HSF5: variants seen among roughly 807,000 people sequenced by gnomAD.
HSF5 encodes the protein heat shock factor protein 5.
In HSF5, 5 loss-of-function variants were observed where a neutral mutation model predicts 50.8. That is an observed-to-expected ratio of 0.10 (90% CI 0.05 to 0.21). HSF5 has a LOEUF of 0.21. Among genes scored for constraint, HSF5 ranks in the 10% least tolerant of loss-of-function variants. The pLI, the probability that HSF5 is intolerant of heterozygous loss-of-function variation, is 1.00. For missense variants in HSF5, 564 were observed against 762.6 expected (o/e 0.74, Z 3.07); for synonymous variants, 307 against 307.4 (o/e 1.00, Z 0.02).
intron 5 of HSF5, among the ~76,000 whole-genome samples, chr17:58,446,827 T>A (rs1974568067): frequency 6.6e-6 from 1 of 152,134 alleles, no homozygotes; most frequent in Non-Finnish European, 1.5e-5. Context: ...AAGAGACTAC[T>A]GTGTAAAAGA....
intron 1 of HSF5, among the ~76,000 whole-genome samples, chr17:58,480,854 C>A (rs904685693): frequency 3.9e-5 from 6 of 152,078 alleles, no homozygotes; most frequent in Non-Finnish European, 5.9e-5. Context: ...GTGATGTGAT[C>A]TTGGCTCACT....
intron 5 of HSF5, among the ~76,000 whole-genome samples, chr17:58,426,876 T>C (rs1338806226): frequency 1.3e-5 from 2 of 152,152 alleles, no homozygotes; most frequent in African/African-American, 4.8e-5. Context: ...GTGGCTGTAA[T>C]GGATAACCTC....
intron 5 of HSF5, among the ~76,000 whole-genome samples, chr17:58,439,114 G>A (rs1012840343): frequency 6.6e-5 from 10 of 151,422 alleles, no homozygotes; most frequent in African/African-American, 2.4e-4. Context: ...GCAACAGAGT[G>A]AGACCCTGCC....
chr17:58,462,881 G>A lies in HSF5; in HGVS notation c.1443C>T (p.Ile481=). The change falls in exon 4 of 6, where the codon ATC becomes ATT. Residue 481 remains isoleucine, a synonymous_variant. Coordinates refer to ENST00000323777, the MANE Select transcript of HSF5 (RefSeq NM_001080439.3). ...CCTTCAGTTTGACATGAGCTTGCTG[G>A]ATGGCTGCAGATTCCTGTATTGTGC... ...ENSTIQESAA[I]QQAHVKLKEH... 10 of 1,614,124 alleles carry A rather than the reference G, an allele frequency of 6.2e-6. No homozygotes were observed. Among genetic ancestry groups the A allele is most frequent in the Non-Finnish European group, 8.5e-6 (10 of 1,179,988 alleles).
At chr17:58,433,235 G>A (rs1040757727) in intron 5 of HSF5, among the ~76,000 whole-genome samples, 1 of 152,162 alleles carries the variant, frequency 6.6e-6, no homozygotes, top group Admixed American at 6.5e-5. Flanking sequence ...AAGCCCAAGT[G>A]ACCTGCCCAC....
chr17:58,449,107 T>C (rs1974600501), intron 5 of HSF5, among the ~76,000 whole-genome samples: 1 of 152,172 alleles, frequency 6.6e-6, no homozygotes, highest in Non-Finnish European at 1.5e-5. Context: ...TTTGTAGGCC[T>C]TGTGGTAATC....
In HSF5 at chr17:58,420,703, T is replaced by A. The variant is rs1254438034; in HGVS notation, c.*1657A>T. The stretch of plus-strand genomic sequence containing the variant: ...TGGCCAAAAGATATAGGTGTCTTGA[T>A]AATTTGCTCTTTTAAACCTTGCTAA... On this transcript the variant is annotated 3_prime_UTR_variant, in exon 6 of 6. Transcript: ENST00000323777. The A allele has an allele frequency of 6.6e-6, 1 of 152,226 alleles. No individual in the cohort carries two copies. The highest frequency in any genetic ancestry group is 1.9e-4 in the East Asian group (1 of 5,198). The allele number at this position is 152,226 out of a possible 1,614,324, so 9.4% of individuals were successfully genotyped here.
At chr17:58,485,859 G>A (rs12936949) in intron 1 of HSF5, among the ~76,000 whole-genome samples, 123,428 of 150,054 alleles carry the variant, frequency 0.82, 50,752 homozygotes, top group East Asian at 0.99. Flanking sequence ...CTGAGGTCAG[G>A]AGTTCAAAAC....
chr17:58,429,192 A>C (rs1259231746), intron 5 of HSF5, among the ~76,000 whole-genome samples: 1 of 152,240 alleles, frequency 6.6e-6, no homozygotes, highest in Non-Finnish European at 1.5e-5. Flanking sequence ...CATTCAGAAT[A>C]AGTAAATCCA....
chr17:58,431,562 T>C (rs1974365456), intron 5 of HSF5, among the ~76,000 whole-genome samples: 1 of 152,218 alleles, frequency 6.6e-6, no homozygotes, highest in East Asian at 1.9e-4. Context: ...TGACCATATA[T>C]ATCCTATTGG....
In HSF5 at chr17:58,468,469, T is replaced by G. The variant is rs116414133; in HGVS notation, c.926-1490A>C. On this transcript the variant is annotated intron_variant, in intron 2 of 5. Transcript: ENST00000323777. Reference sequence around the variant, plus strand: ...TAAACCCTGTTCCTGAAATGTAACATTTGTAGTTTTACTAGAATTCTACTT... The same window carrying G: ...TAAACCCTGTTCCTGAAATGTAACAGTTGTAGTTTTACTAGAATTCTACTT... 5.3e-3 allele frequency among the ~76,000 whole-genome samples: 809 copies of G among 152,262 alleles called. 5 individuals are homozygous for G. Among genetic ancestry groups the G allele is most frequent in the African/African-American group, 0.018 (750 of 41,550 alleles).
intron 2 of HSF5, among the ~76,000 whole-genome samples, chr17:58,478,794 CG>C (rs1252028847): frequency 7.2e-6 from 1 of 139,140 alleles, no homozygotes; most frequent in Non-Finnish European, 1.5e-5. Flanking sequence ...ACCCAGGAGG[CG>C]GAGGTTGCAG....
chr17:58,427,130 G>C (rs1974306551), intron 5 of HSF5, among the ~76,000 whole-genome samples: 1 of 152,048 alleles, frequency 6.6e-6, no homozygotes, highest in South Asian at 2.1e-4. Context: ...AGCTGAGTGT[G>C]GTGGCATGTG....
intron 4 of HSF5, 47 bp from the exon 5 acceptor site, chr17:58,458,992 T>C (rs1017401175): frequency 6.6e-7 from 1 of 1,505,286 alleles, no homozygotes; most frequent in Admixed American, 1.9e-5. Flanking sequence ...TCCAAATATC[T>C]GCTAAAAGTT....
intron 5 of HSF5, among the ~76,000 whole-genome samples, chr17:58,447,520 G>A (rs1178588431): frequency 6.6e-6 from 1 of 152,202 alleles, no homozygotes; most frequent in African/African-American, 2.4e-5. Context: ...TCCAGGAAGT[G>A]CAGCATGGAC....
At chr17:58,487,131 C>T (rs1182235660) in intron 1 of HSF5, among the ~76,000 whole-genome samples, 2 of 152,108 alleles carry the variant, frequency 1.3e-5, no homozygotes, top group African/African-American at 4.8e-5. Context: ...CGGTCTCAAA[C>T]TCCTAACCTC....
At chr17:58,439,066 G>A (rs1473865564) in intron 5 of HSF5, among the ~76,000 whole-genome samples, 1 of 151,822 alleles carries the variant, frequency 6.6e-6, no homozygotes, top group African/African-American at 2.4e-5. Context: ...TTAGCCCAGA[G>A]ATCAAGGCTG....
At chr17:58,424,213 T>C (rs1360647633) in intron 5 of HSF5, among the ~76,000 whole-genome samples, 1 of 152,186 alleles carries the variant, frequency 6.6e-6, no homozygotes, top group Non-Finnish European at 1.5e-5. Flanking sequence ...AGCAGTATTA[T>C]TCACAATAGG....
intron 5 of HSF5, among the ~76,000 whole-genome samples, chr17:58,443,389 T>A (rs140496972): frequency 5.9e-5 from 9 of 152,238 alleles, no homozygotes; most frequent in Non-Finnish European, 1.0e-4. Flanking sequence ...TCATTTTTTT[T>A]AAAGGAGAAA....
Sources: allele counts gnomAD v4.1 joint callset (sites outside exome capture counted in the v4.1 genomes callset), GRCh38; gene constraint gnomAD v4.1.1; transcripts MANE v1.5; gene names NCBI Gene and HGNC (gene_info 2026-07-23, HGNC 2026-07-21).